The following TET2 variants were observed in gnomAD, a reference collection of about 807,000 sequenced individuals.
TET2 encodes tet methylcytosine dioxygenase 2.
Under a neutral mutation model 142.9 loss-of-function variants are expected in TET2, and 299 were observed. That is an observed-to-expected ratio of 2.09 (90% CI 1.90 to 2.30). TET2 has a LOEUF of 2.30. TET2 is among the 30% of genes most tolerant of loss of function. TET2 has a pLI of 0.00. For missense variants in TET2, 2,418 were observed against 2,378.0 expected, an observed-to-expected ratio of 1.02 and a Z score of -0.35; for synonymous variants, 819 against 849.0, an observed-to-expected ratio of 0.96 and a Z score of 0.61.
intron 2 of TET2, among the ~76,000 whole-genome samples, chr4:105,203,945 A>G (rs918370744): frequency 6.6e-6 from 1 of 152,098 alleles, no homozygotes; most frequent in Admixed American, 6.6e-5. Context: ...TCATGCCTGT[A>G]ATCGCAGCAC....
rs1215500878 is a variant in TET2, at chr4:105,243,720, A to ACCGAGAC, written c.3746_3752dup (p.Leu1252ArgfsTer18). ...GGCTGACAAACTCTACTCGGAGCTTACCGAGACGCTGAGGAAATACGGCAC... is the reference window on the plus strand; with the variant it reads ...GGCTGACAAACTCTACTCGGAGCTTACCGAGACCCGAGACGCTGAGGAAATACGGCAC... On this transcript the variant is annotated frameshift_variant, in exon 6 of 11. Coordinates refer to ENST00000380013, the MANE Select transcript of TET2 (RefSeq NM_001127208.3). LOFTEE classifies it high-confidence loss of function. 6.4e-7 allele frequency: 1 copy of ACCGAGAC among 1,551,470 alleles called. No individual in the cohort carries two copies. Among genetic ancestry groups the ACCGAGAC allele is most frequent in the Non-Finnish European group, 8.7e-7 (1 of 1,146,946 alleles).
intron 2 of TET2, among the ~76,000 whole-genome samples, chr4:105,192,630 T>G (rs1467990421): frequency 1.3e-5 from 2 of 152,202 alleles, no homozygotes; most frequent in Non-Finnish European, 2.9e-5. Flanking sequence ...AAATATTTCT[T>G]GAGCACCTGC....
chr4:105,268,758 G>A (rs2110298894), intron 8 of TET2, among the ~76,000 whole-genome samples: 1 of 152,232 alleles, frequency 6.6e-6, no homozygotes, highest in African/African-American at 2.4e-5. Context: ...ATCACTTGAG[G>A]CCAGGAGTTT....
chr4:105,217,049 T>G lies in TET2; in HGVS notation c.-46-16848T>G, dbSNP rs1168586173. On this transcript the variant is annotated intron_variant, in intron 2 of 10. Coordinates refer to ENST00000380013, the MANE Select transcript of TET2 (RefSeq NM_001127208.3). ...AGTTTACAATTTTTTTGTGTGTTCT[T>G]TCTTTGTTCTTGCCCCTCCCTGCAT... 2.0e-5 allele frequency among the ~76,000 whole-genome samples: 3 copies of G among 152,196 alleles called. No homozygotes were observed. In the East Asian group the frequency reaches 5.8e-4, roughly 29 times the overall value.
Position 105,272,575 on chromosome 4 carries a change from C to G in TET2, c.4194C>G (p.Leu1398=), listed in dbSNP as rs569125497. 4 of 1,535,274 alleles carry G rather than the reference C, an allele frequency of 2.6e-6. No homozygotes were observed. In the South Asian group the frequency reaches 3.7e-5, roughly 14 times the overall value. ...MQNGSTLVCT[L]TREDNREFGG... is the part of the protein sequence containing the mutation. ...TACTTCCCTACCAGGTATGCACTCT[C>G]ACTAGAGAAGACAATCGAGAATTTG... The change falls in exon 10 of 11, where the codon CTC becomes CTG. Residue 1398 remains leucine, a synonymous_variant. Coordinates refer to ENST00000380013, the MANE Select transcript of TET2 (RefSeq NM_001127208.3).
intron 6 of TET2, among the ~76,000 whole-genome samples, chr4:105,251,201 C>T (rs1227982473): frequency 6.6e-6 from 1 of 151,892 alleles, no homozygotes; most frequent in Non-Finnish European, 1.5e-5. Context: ...AGTTTTGTTT[C>T]TTCACTTCCA....
chr4:105,193,542 A>G (rs1725907633), intron 2 of TET2, among the ~76,000 whole-genome samples: 1 of 152,186 alleles, frequency 6.6e-6, no homozygotes, highest in African/African-American at 2.4e-5. Context: ...CAGTAGTTGG[A>G]GTAATTTAGG....
rs150814082 is a variant in TET2 at position 105,213,359 on chromosome 4, A to T, written c.-46-20538A>T. 9.8e-4 allele frequency among the ~76,000 whole-genome samples: 150 copies of T among 152,356 alleles called. 1 individual carries two copies. The highest frequency in any genetic ancestry group is 3.5e-3 in the African/African-American group (144 of 41,582). ...AGAAGAGGAAAAATTGAGAGGAAGC[A>T]TACTAAAATTTCTTTAGCCAATTTT... On this transcript the variant is annotated intron_variant, in intron 2 of 10. Coordinates refer to ENST00000380013, the MANE Select transcript of TET2 (RefSeq NM_001127208.3).
chr4:105,237,247 ATAATTT>A lies in TET2; in HGVS notation c.3308_3313del (p.Asn1103_Phe1104del). On this transcript the variant is annotated inframe_deletion, in exon 3 of 11. Coordinates refer to ENST00000380013, the MANE Select transcript of TET2 (RefSeq NM_001127208.3). ...AAAAGAACAGCTGCTTCTGTTCTCA[ATAATTT>A]TATAGAGTCACCTTCCAAATTACTA... The A allele has an allele frequency of 1.9e-6, 3 of 1,614,158 alleles. No homozygotes were observed. The highest frequency in any genetic ancestry group is 2.5e-6 in the Non-Finnish European group (3 of 1,180,006).
At chr4:105,227,665 AAG>A (rs1728266482) in intron 2 of TET2, among the ~76,000 whole-genome samples, 1 of 152,176 alleles carries the variant, frequency 6.6e-6, no homozygotes, top group African/African-American at 2.4e-5. Flanking sequence ...AGTCATTTAT[AAG>A]AGCAGATATG....
chr4:105,222,074 A>G (rs1012682991), intron 2 of TET2, among the ~76,000 whole-genome samples: 16 of 151,398 alleles, frequency 1.1e-4, no homozygotes, highest in Admixed American at 5.3e-4. Context: ...ATAGTATTCC[A>G]TGGTGTATAT....
upstream of TET2, chr4:105,145,897 G>C (rs940414794): frequency 6.6e-6 from 1 of 152,198 alleles, no homozygotes; most frequent in African/African-American, 2.4e-5. Context: ...GGCCGGGGCG[G>C]GGAGAAACAG....
Position 105,181,745 on chromosome 4 carries a change from TC to T in TET2, c.-192-8613del, listed in dbSNP as rs551299132. ...TTCTAGGAAATCGAAGATGTGAAAA[TC>T]CAGTTTAATGTGATAATGAGTTACT... is the stretch of plus-strand genomic sequence containing the variant. On this transcript the variant is annotated intron_variant, in intron 1 of 10. Transcript: ENST00000380013. Among the ~76,000 whole-genome samples, 54 of 152,252 alleles carry T rather than the reference TC, an allele frequency of 3.5e-4. No homozygotes were observed. In the South Asian group the frequency reaches 6.0e-3, roughly 17 times the overall value.
Position 105,204,126 on chromosome 4 carries a change from G to C in TET2, c.-47+13621G>C, listed in dbSNP as rs959682371. 4.6e-5 allele frequency among the ~76,000 whole-genome samples: 7 copies of C among 151,890 alleles called. No individual in the cohort carries two copies. In the South Asian group the frequency reaches 1.0e-3, roughly 23 times the overall value. ...AGGCAGGAGAATCTCTTGAACCCGG[G>C]AGGCGAGGTTGCAGTGAGTTGAGTT... is the stretch of plus-strand genomic sequence containing the variant. On this transcript the variant is annotated intron_variant, in intron 2 of 10. Coordinates refer to ENST00000380013, the MANE Select transcript of TET2 (RefSeq NM_001127208.3).
upstream of TET2, chr4:105,146,789 G>C (rs1463574923): frequency 1.3e-5 from 2 of 152,020 alleles, no homozygotes; most frequent in Non-Finnish European, 2.9e-5. Flanking sequence ...CCTCGGCGCG[G>C]CCGCCCCGAG....
chr4:105,212,867 G>A (rs938017700), intron 2 of TET2, among the ~76,000 whole-genome samples: 5 of 152,072 alleles, frequency 3.3e-5, no homozygotes, highest in African/African-American at 1.2e-4. Context: ...GCACGTGCCT[G>A]TAGTCCCAGA....
At chr4:105,198,107 C>T (rs150904929) in intron 2 of TET2, among the ~76,000 whole-genome samples, 7 of 152,176 alleles carry the variant, frequency 4.6e-5, no homozygotes, top group South Asian at 4.1e-4. Context: ...GAGGCCGAGG[C>T]GGGTGGATCA....
At chr4:105,264,423 G>A (rs1257594121) in intron 8 of TET2, among the ~76,000 whole-genome samples, 1 of 152,058 alleles carries the variant, frequency 6.6e-6, no homozygotes, top group African/African-American at 2.4e-5. Flanking sequence ...TTTTTAATAG[G>A]TGCTGTTAAT....
Position 105,278,873 on chromosome 4 carries a change from A to G in TET2, c.*2354A>G, listed in dbSNP as rs1161240152. On this transcript the variant is annotated 3_prime_UTR_variant, in exon 11 of 11. Coordinates refer to ENST00000380013, the MANE Select transcript of TET2 (RefSeq NM_001127208.3). ...TTGATCCTGTAATCACTGAAGGTACATACTCCATGTGGACTTCCCTTAAAC... is the reference window on the plus strand; with the variant it reads ...TTGATCCTGTAATCACTGAAGGTACGTACTCCATGTGGACTTCCCTTAAAC... 1 of 232,962 alleles carries G rather than the reference A, an allele frequency of 4.3e-6. No homozygotes were observed. Among genetic ancestry groups the G allele is most frequent in the Non-Finnish European group, 8.5e-6 (1 of 117,940 alleles). 14.4% of individuals were successfully genotyped at this position (232,962 alleles called of 1,614,324 possible).
Sources: gnomAD v4.1 joint callset for allele counts (sites outside exome capture counted in the v4.1 genomes callset) on GRCh38, gnomAD v4.1.1 for gene constraint, MANE v1.5 for transcripts, NCBI Gene and HGNC (gene_info 2026-07-23, HGNC 2026-07-21) for gene names.